Variants in NRN1 observed in about 807,000 individuals in gnomAD.
The protein encoded by NRN1 is neuritin.
A neutral mutation model predicts 15.0 loss-of-function variants in NRN1; 4 were observed. That is an observed-to-expected ratio of 0.27 (90% CI 0.13 to 0.61). The LOEUF is 0.61. Among genes scored for constraint, NRN1 ranks in the 20% least tolerant of loss-of-function variants. The pLI is 0.87. For synonymous variants in NRN1, 85 were observed against 79.8 expected (o/e 1.07, Z -0.35); for missense variants, 134 against 181.9 (o/e 0.74, Z 1.51).
In NRN1 at chr6:5,999,020, G is replaced by C. The variant is rs767724078; in HGVS notation, c.385C>G (p.Leu129Val). The C allele has an allele frequency of 4.3e-6, 7 of 1,613,454 alleles. No individual in the cohort carries two copies. The highest frequency in any genetic ancestry group is 5.9e-6 in the Non-Finnish European group (7 of 1,179,788). The change falls in exon 3 of 3, where the codon CTG becomes GTG. Residue 129 changes from leucine (L) to valine (V), a missense_variant. Physicochemically the swap from Leu to Val is conservative, Grantham distance 32 (BLOSUM62 1). Transcript: ENST00000244766. ...GSLLPAFPVLLVSLSAALATW... is the reference protein window; with the variant it reads ...GSLLPAFPVLVVSLSAALATW... ...GCTAAAGCTGCCGAGAGAGACACCA[G>C]GAGCACCGGGAACGCCGGGAGCAGG...
intron 1 of NRN1, chr6:6,003,876 C>T (rs1032575799): frequency 2.5e-5 from 31 of 1,231,388 alleles, no homozygotes; most frequent in Admixed American, 4.2e-5. Flanking sequence ...TCCGCACTGG[C>T]GCCCACGACC....
intron 1 of NRN1, chr6:6,003,922 G>A (rs989060907): frequency 1.6e-6 from 2 of 1,229,228 alleles, no homozygotes; most frequent in Non-Finnish European, 1.0e-6. Context: ...GCTTTCTGGC[G>A]GCTGCGCTTG....
chr6:6,006,493 G>A (rs1758112687), intron 1 of NRN1, among the ~76,000 whole-genome samples: 1 of 152,212 alleles, frequency 6.6e-6, no homozygotes, highest in South Asian at 2.1e-4. Context: ...ACATTTCCTG[G>A]CGAACATTTG....
rs565769750 is a variant in NRN1, at chr6:5,998,878, G to A, written c.*98C>T. On this transcript the variant is annotated 3_prime_UTR_variant, in exon 3 of 3. Transcript: ENST00000244766. ...ATATGAGTGTTTTCAGCATCACAGA[G>A]AATCACAACGTCCCCAAAGAACTAA... is the stretch of plus-strand genomic sequence containing the variant. The A allele has an allele frequency of 2.2e-3, 1,725 of 779,092 alleles. No homozygotes were observed. The highest frequency in any genetic ancestry group is 3.0e-3 in the Non-Finnish European group (1,424 of 476,968). 48.3% of individuals were successfully genotyped at this position (779,092 alleles called of 1,614,324 possible). A position where few individuals can be genotyped will look rare whatever the true frequency, so the allele number is the denominator to read the frequency against.
intron 2 of NRN1, among the ~76,000 whole-genome samples, chr6:6,001,981 T>C (rs1269711074): frequency 2.0e-5 from 3 of 152,222 alleles, no homozygotes; most frequent in Non-Finnish European, 2.9e-5. Context: ...ATGATCAAGA[T>C]TGCTACAAGG....
intron 2 of NRN1, among the ~76,000 whole-genome samples, chr6:6,000,218 C>T (rs868454570): frequency 2.6e-5 from 4 of 152,194 alleles, no homozygotes; most frequent in Middle Eastern, 3.2e-3. Flanking sequence ...GGTCAGTTCA[C>T]GGAGCCTGGC....
chr6:6,002,315 C>T (rs1201861158), intron 2 of NRN1, 38 bp downstream of exon 2: 1 of 1,609,698 alleles, frequency 6.2e-7, no homozygotes, highest in Admixed American at 1.7e-5. Context: ...AGTAGCGCCC[C>T]CAAAACCGAA....
In NRN1 at chr6:5,999,049, C is replaced by T. The variant is rs767038111; in HGVS notation, c.356G>A (p.Gly119Glu). Reference sequence around the variant, plus strand: ...CACCGGGAACGCCGGGAGCAGGGACCCCGCCGCCCCGTTGCCGCTGCCGCA... The same window carrying T: ...CACCGGGAACGCCGGGAGCAGGGACTCCGCCGCCCCGTTGCCGCTGCCGCA... ...ELCGSGNGAA[G>E]SLLPAFPVLL... The change falls in exon 3 of 3, where the codon GGG becomes GAG. Residue 119 changes from glycine to glutamate, a missense_variant. By Grantham distance (98) the Gly-to-Glu change is moderately conservative (BLOSUM62 -2). Coordinates refer to ENST00000244766, the MANE Select transcript of NRN1 (RefSeq NM_016588.3). 6.2e-7 allele frequency: 1 copy of T among 1,613,930 alleles called. No homozygotes were observed. Among genetic ancestry groups the T allele is most frequent in the Admixed American group, 1.7e-5 (1 of 60,020 alleles).
intron 1 of NRN1, among the ~76,000 whole-genome samples, chr6:6,005,653 C>A (rs928751128): frequency 6.6e-6 from 1 of 152,324 alleles, no homozygotes; most frequent in East Asian, 1.9e-4. Flanking sequence ...GCAAAGAATG[C>A]CACAGCCTGA....
rs912323889 is a variant in NRN1 at position 5,998,597 on chromosome 6, T to C, written c.*379A>G. 6.2e-6 allele frequency: 1 copy of C among 161,312 alleles called. No homozygotes were observed. Among genetic ancestry groups the C allele is most frequent in the Non-Finnish European group, 1.4e-5 (1 of 73,530 alleles). The allele number at this position is 161,312 out of a possible 1,614,324, so 10.0% of individuals were successfully genotyped here. On this transcript the variant is annotated 3_prime_UTR_variant, in exon 3 of 3. Coordinates refer to ENST00000244766, the MANE Select transcript of NRN1 (RefSeq NM_016588.3). Reference sequence around the variant, plus strand: ...CCTATTAGGAGGAGCCCATCATTTTTCATGTTACTAGCATGATTAATATAG... The same window carrying C: ...CCTATTAGGAGGAGCCCATCATTTTCCATGTTACTAGCATGATTAATATAG...
intron 2 of NRN1, among the ~76,000 whole-genome samples, chr6:6,001,891 A>C (rs1757955928): frequency 6.6e-6 from 1 of 152,210 alleles, no homozygotes; most frequent in African/African-American, 2.4e-5. Flanking sequence ...ATGTAGTATT[A>C]CCCCAAACAC....
chr6:6,006,954 A>T, upstream of NRN1: 2 of 80,678 alleles, frequency 2.5e-5, no homozygotes, highest in Non-Finnish European at 4.3e-5. Context: ...AGAGAGAGAG[A>T]GAGGCTGAGG....
chr6:6,006,994 C>T (rs1253575682), upstream of NRN1: 1 of 488,050 alleles, frequency 2.0e-6, no homozygotes, highest in African/African-American at 2.1e-5. Context: ...TGGTTCACTC[C>T]ATTAGAAGGG....
chr6:6,000,748 T>TTTTA (rs1554145373), intron 2 of NRN1, among the ~76,000 whole-genome samples: 1,967 of 99,034 alleles, frequency 0.02, 268 homozygotes, highest in African/African-American at 0.061. Flanking sequence ...TTTTTTTTTT[T>TTTTA]ATGTACGCCC....
chr6:6,003,604 G>A, intron 1 of NRN1: 1 of 753,172 alleles, frequency 1.3e-6, no homozygotes, highest in East Asian at 3.4e-5. Context: ...GGAGGAGGAG[G>A]AGGAAACACA....
intron 1 of NRN1, chr6:6,003,757 C>G: frequency 8.1e-7 from 1 of 1,234,258 alleles, no homozygotes; most frequent in Non-Finnish European, 1.0e-6. Context: ...GCCGACGAAC[C>G]CGGCTGGAAG....
At chr6:6,002,615 C>A in intron 1 of NRN1, 118 bp from the exon 2 acceptor site, 2 of 1,354,782 alleles carry the variant, frequency 1.5e-6, no homozygotes, top group African/African-American at 1.4e-5. Context: ...CCTCTCCCAG[C>A]GCCCAGCCTC....
intron 1 of NRN1, chr6:6,003,159 G>T (rs1247804132): frequency 1.6e-6 from 2 of 1,225,606 alleles, no homozygotes; most frequent in Non-Finnish European, 2.0e-6. Flanking sequence ...TTATAAAACC[G>T]ATTGCCTACC....
chr6:5,999,067 C>A lies in NRN1; in HGVS notation c.338G>T (p.Ser113Ile). The A allele has an allele frequency of 6.2e-7, 1 of 1,614,134 alleles. No individual in the cohort carries two copies. The highest frequency in any genetic ancestry group is 1.7e-5 in the Admixed American group (1 of 60,030). The change falls in exon 3 of 3, where the codon AGC (serine) becomes ATC (isoleucine). Residue 113 changes from serine to isoleucine, a missense_variant. Transcript: ENST00000244766. ...IQGSLFELCG[S>I]GNGAAGSLLP... The stretch of plus-strand genomic sequence containing the variant: ...CAGGGACCCCGCCGCCCCGTTGCCG[C>A]TGCCGCAGAGTTCGAATAAGCTGCC...
Sources: allele counts gnomAD v4.1 joint callset (sites outside exome capture counted in the v4.1 genomes callset), GRCh38; gene constraint gnomAD v4.1.1; transcripts MANE v1.5; gene names NCBI Gene and HGNC (gene_info 2026-07-23, HGNC 2026-07-21).